The following MEI4 variants were observed in gnomAD, a reference collection of about 807,000 sequenced individuals.
The protein encoded by MEI4 is meiotic double-stranded break formation protein 4, also known as meiosis-specific protein MEI4.
In MEI4, 27 loss-of-function variants were observed where a neutral mutation model predicts 31.4. That is an observed-to-expected ratio of 0.86 (90% confidence interval 0.63 to 1.19). The LOEUF is 1.19. Among genes scored for constraint, MEI4 ranks in the 50% most tolerant of loss-of-function variants. The probability of loss-of-function intolerance (pLI) is 0.00; values close to 1 mark genes in which losing one functional copy is unlikely to be tolerated. For missense variants in MEI4, 329 were observed against 398.9 expected, an observed-to-expected ratio of 0.82 and a Z score of 1.49; for synonymous variants, 122 against 145.4, an observed-to-expected ratio of 0.84 and a Z score of 1.16.
chr6:77,739,489 G>T (rs1254610162), intron 2 of MEI4, among the ~76,000 whole-genome samples: 1 of 152,132 alleles, frequency 6.6e-6, no homozygotes, highest in Non-Finnish European at 1.5e-5. Flanking sequence ...ACCAAGCACT[G>T]CATGTTCTCA....
rs377277422 is a variant in MEI4, at chr6:77,695,080, C to T, written c.232+4177C>T. The stretch of plus-strand genomic sequence containing the variant: ...TGTCTTCTTTTGAGAAGTGTCTGTT[C>T]GTATCCTTCGCCCACTTTTTGATGG... On this transcript the variant is annotated intron_variant, in intron 2 of 4. Coordinates refer to ENST00000684080, the MANE Select transcript of MEI4 (RefSeq NM_001322247.2). Among the ~76,000 whole-genome samples the T allele has an allele frequency of 2.9e-4, 44 of 152,318 alleles. No individual in the cohort carries two copies. The South Asian group carries it at 5.0e-3, about 17-fold the overall frequency.
intron 2 of MEI4, among the ~76,000 whole-genome samples, chr6:77,744,444 A>C (rs1335894399): frequency 6.6e-6 from 1 of 152,192 alleles, no homozygotes; most frequent in Non-Finnish European, 1.5e-5. Flanking sequence ...AAACAAACAA[A>C]GCCTCCGAGA....
chr6:77,909,400 C>A (rs1766377789), intron 4 of MEI4, among the ~76,000 whole-genome samples: 1 of 152,110 alleles, frequency 6.6e-6, no homozygotes, highest in Non-Finnish European at 1.5e-5. Flanking sequence ...CACAGAAATA[C>A]AAACTACCAT....
At chr6:77,782,719 T>C (rs542914886) in intron 3 of MEI4, among the ~76,000 whole-genome samples, 4 of 152,330 alleles carry the variant, frequency 2.6e-5, no homozygotes, top group African/African-American at 9.6e-5. Context: ...TAGGTTCTTA[T>C]ATGTAGCTTT....
chr6:77,728,161 TTATA>T (rs1482100420), intron 2 of MEI4, among the ~76,000 whole-genome samples: 1 of 152,172 alleles, frequency 6.6e-6, no homozygotes, highest in Non-Finnish European at 1.5e-5. Flanking sequence ...GGTTGGATGA[TTATA>T]TAGGTAACTG....
Position 77,783,989 on chromosome 6 carries a change from C to A in MEI4, c.768+22324C>A, listed in dbSNP as rs185826562. On this transcript the variant is annotated intron_variant, in intron 3 of 4. Coordinates refer to ENST00000684080, the MANE Select transcript of MEI4 (RefSeq NM_001322247.2). ...CTTAAATAATTGAATTAAGAGAAAT[C>A]AAGTTAAACCGCTACAGAGAACTCC... Among the ~76,000 whole-genome samples, 632 of 152,144 alleles carry A rather than the reference C, an allele frequency of 4.2e-3. 5 individuals carry two copies. The highest frequency in any genetic ancestry group is 0.014 in the African/African-American group (579 of 41,514).
chr6:77,679,382 T>C (rs1349535789), intron 1 of MEI4, among the ~76,000 whole-genome samples: 1 of 151,160 alleles, frequency 6.6e-6, no homozygotes, highest in Non-Finnish European at 1.5e-5. Flanking sequence ...TAGATATATT[T>C]AGATACACAA....
intron 2 of MEI4, among the ~76,000 whole-genome samples, chr6:77,760,237 T>C (rs903832105): frequency 2.6e-5 from 4 of 151,974 alleles, no homozygotes; most frequent in African/African-American, 7.3e-5. Flanking sequence ...TATACACACA[T>C]ATATATACAC....
rs1462912721 is a variant in MEI4 at position 77,901,897 on chromosome 6, A to G, written c.901-21192A>G. On this transcript the variant is annotated intron_variant, in intron 4 of 4. Transcript: ENST00000684080. ...AGTTGATTTTTGTATATGGTGTGAG[A>G]TGAGTGTCTAATTTCATTCTACATA... Among the ~76,000 whole-genome samples the G allele has an allele frequency of 2.0e-5, 3 of 152,058 alleles. No homozygotes were observed. In the East Asian group the frequency reaches 5.8e-4, roughly 29 times the overall value.
At chr6:77,843,139 A>G (rs1200432551) in intron 4 of MEI4, among the ~76,000 whole-genome samples, 15 of 151,540 alleles carry the variant, frequency 9.9e-5, no homozygotes, top group Admixed American at 9.9e-4. Flanking sequence ...TGTAGAGTAC[A>G]GTGAAATGTT....
chr6:77,827,623 A>G (rs1238247823), intron 3 of MEI4, among the ~76,000 whole-genome samples: 1 of 152,132 alleles, frequency 6.6e-6, no homozygotes, highest in Non-Finnish European at 1.5e-5. Flanking sequence ...TCTTAAATAC[A>G]GGAAGATGTG....
At chr6:77,771,114 C>T (rs915038492) in intron 3 of MEI4, among the ~76,000 whole-genome samples, 2 of 151,726 alleles carry the variant, frequency 1.3e-5, no homozygotes, top group Non-Finnish European at 2.9e-5. Flanking sequence ...AACACTATTA[C>T]GAGTTGGAAA....
chr6:77,909,728 T>C (rs1431940925), intron 4 of MEI4, among the ~76,000 whole-genome samples: 1 of 152,150 alleles, frequency 6.6e-6, no homozygotes, highest in African/African-American at 2.4e-5. Context: ...ATCATCCTGA[T>C]ACCAAAGCCT....
intron 2 of MEI4, among the ~76,000 whole-genome samples, chr6:77,748,324 A>G (rs1767669172): frequency 6.6e-6 from 1 of 152,234 alleles, no homozygotes; most frequent in Non-Finnish European, 1.5e-5. Context: ...TCTGAAATCT[A>G]GTCAGTGGTT....
chr6:77,858,008 A>T (rs1770782877), intron 4 of MEI4, among the ~76,000 whole-genome samples: 1 of 152,184 alleles, frequency 6.6e-6, no homozygotes, highest in Non-Finnish European at 1.5e-5. Flanking sequence ...AACTGATGAC[A>T]TATTTTTGTG....
intron 3 of MEI4, among the ~76,000 whole-genome samples, chr6:77,789,585 G>A (rs1316449096): frequency 6.6e-6 from 1 of 152,186 alleles, no homozygotes; most frequent in Non-Finnish European, 1.5e-5. Flanking sequence ...CCATCAAAAA[G>A]TGGGTGAAGG....
intron 2 of MEI4, among the ~76,000 whole-genome samples, chr6:77,710,535 AAAAAAAAG>A (rs1340540695): frequency 2.0e-5 from 3 of 149,034 alleles, no homozygotes; most frequent in African/African-American, 7.3e-5. Flanking sequence ...AAAAAAAAAA[AAAAAAAAG>A]AAAAGGTAAA....
intron 3 of MEI4, among the ~76,000 whole-genome samples, chr6:77,789,720 A>G (rs1056395858): frequency 5.3e-5 from 8 of 152,204 alleles, no homozygotes; most frequent in Non-Finnish European, 8.8e-5. Context: ...ATCTCACACC[A>G]GTTAGGATGG....
At chr6:77,732,437 C>G (rs1459703992) in intron 2 of MEI4, among the ~76,000 whole-genome samples, 8 of 151,830 alleles carry the variant, frequency 5.3e-5, no homozygotes, top group East Asian at 3.9e-4. Context: ...TTTGTCTGTT[C>G]TTGGTGTATA....
Sources: gnomAD v4.1 joint callset for allele counts (sites outside exome capture counted in the v4.1 genomes callset) on GRCh38, gnomAD v4.1.1 for gene constraint, MANE v1.5 for transcripts, NCBI Gene and HGNC (gene_info 2026-07-23, HGNC 2026-07-21) for gene names.